The following PDE1A variants were observed in gnomAD, a reference collection of about 807,000 sequenced individuals.
PDE1A encodes the protein phosphodiesterase 1A, also known as dual specificity calcium/calmodulin-dependent 3',5'-cyclic nucleotide phosphodiesterase 1A.
A neutral mutation model predicts 61.7 loss-of-function variants in PDE1A; 35 were observed. That is an observed-to-expected ratio of 0.57 (90% CI 0.43 to 0.75). The LOEUF is 0.75. Among genes scored for constraint, PDE1A ranks in the 30% least tolerant of loss-of-function variants. The pLI, the probability that PDE1A is intolerant of heterozygous loss-of-function variation, is 0.00. For missense variants in PDE1A, 597 were observed against 630.6 expected (o/e 0.95, Z 0.57); for synonymous variants, 232 against 213.2 (o/e 1.09, Z -0.77).
chr2:182,649,754 C>T, the PDE1A span, among the ~76,000 whole-genome samples: 23,511 of 151,798 alleles, frequency 0.15, 2,401 homozygotes, highest in African/African-American at 0.29. Flanking sequence ...GGATTACAGG[C>T]GCCTGCCACC....
chr2:182,624,609 C>A, the PDE1A span, among the ~76,000 whole-genome samples: 1 of 152,138 alleles, frequency 6.6e-6, no homozygotes, highest in Admixed American at 6.5e-5. Context: ...CAACCATGAG[C>A]AATATAATTT....
At chr2:182,490,236 T>G (rs1402749563) in intron 2 of PDE1A, among the ~76,000 whole-genome samples, 5 of 152,168 alleles carry the variant, frequency 3.3e-5, no homozygotes, top group African/African-American at 1.2e-4. Flanking sequence ...AAAAAATTAT[T>G]AGAGTGGATT....
the PDE1A span, among the ~76,000 whole-genome samples, chr2:182,692,510 G>C: frequency 6.6e-6 from 1 of 151,704 alleles, no homozygotes; most frequent in Non-Finnish European, 1.5e-5. Flanking sequence ...CACACACTGG[G>C]GCCTGTTGTG....
intron 13 of PDE1A, among the ~76,000 whole-genome samples, chr2:182,161,280 C>CTGA (rs1202548870): frequency 1.3e-5 from 2 of 152,048 alleles, no homozygotes; most frequent in East Asian, 3.9e-4. Context: ...CATCCATCGG[C>CTGA]TGAGTTACAA....
intron 2 of PDE1A, among the ~76,000 whole-genome samples, chr2:182,458,065 T>C (rs888152752): frequency 1.3e-5 from 2 of 152,006 alleles, no homozygotes; most frequent in African/African-American, 4.8e-5. Context: ...ATACATGATA[T>C]TGAGATACAT....
At chr2:182,566,276 A>C in the PDE1A span, among the ~76,000 whole-genome samples, 1 of 152,054 alleles carries the variant, frequency 6.6e-6, no homozygotes, top group Admixed American at 6.6e-5. Context: ...TTCATTTCCC[A>C]TATCTATCTA....
At chr2:182,657,221 C>CA in the PDE1A span, among the ~76,000 whole-genome samples, 4 of 151,654 alleles carry the variant, frequency 2.6e-5, no homozygotes, top group South Asian at 4.2e-4. Context: ...GACTCCGTCT[C>CA]AAAAAAAACC....
chr2:182,536,011 G>A, the PDE1A span, among the ~76,000 whole-genome samples: 3 of 152,136 alleles, frequency 2.0e-5, no homozygotes, highest in Admixed American at 6.6e-5. Context: ...CCGAAATAGC[G>A]AGTAGGGTCA....
the PDE1A span, among the ~76,000 whole-genome samples, chr2:182,614,181 G>T: frequency 6.6e-6 from 1 of 152,180 alleles, no homozygotes; most frequent in Non-Finnish European, 1.5e-5. Flanking sequence ...TAAGGTTTTA[G>T]AACTAATAAC....
At chr2:182,349,907 T>C (rs2125094222) in intron 1 of PDE1A, among the ~76,000 whole-genome samples, 1 of 152,314 alleles carries the variant, frequency 6.6e-6, no homozygotes, top group East Asian at 1.9e-4. Context: ...TGTATTTTTT[T>C]TAACTTTTTA....
chr2:182,272,157 G>A (rs1693072442), intron 1 of PDE1A, among the ~76,000 whole-genome samples: 1 of 152,076 alleles, frequency 6.6e-6, no homozygotes, highest in Non-Finnish European at 1.5e-5. Flanking sequence ...CTACACATAA[G>A]GAATACAGAA....
intron 13 of PDE1A, among the ~76,000 whole-genome samples, chr2:182,179,459 A>G (rs1312486428): frequency 1.3e-5 from 2 of 152,228 alleles, no homozygotes; most frequent in Non-Finnish European, 2.9e-5. Context: ...GTTTAAAATT[A>G]TACAAAGAGG....
intron 1 of PDE1A, among the ~76,000 whole-genome samples, chr2:182,394,316 C>T (rs559813249): frequency 4.6e-5 from 7 of 152,252 alleles, no homozygotes; most frequent in East Asian, 3.9e-4. Context: ...CAACAGAGAG[C>T]ATGCAGGGGA....
chr2:182,268,901 T>C (rs959553622), intron 1 of PDE1A, among the ~76,000 whole-genome samples: 9 of 152,110 alleles, frequency 5.9e-5, no homozygotes, highest in Non-Finnish European at 1.3e-4. Context: ...TTTCAACTTT[T>C]TGATATGATA....
chr2:182,194,493 A>T (rs1685971254), intron 10 of PDE1A, among the ~76,000 whole-genome samples: 1 of 152,110 alleles, frequency 6.6e-6, no homozygotes, highest in Non-Finnish European at 1.5e-5. Flanking sequence ...AGGAGACATT[A>T]ATTGTATTAA....
rs1429087043 is a variant in PDE1A, at chr2:182,382,468, G to A, written c.53+44110C>T. On this transcript the variant is annotated intron_variant, in intron 1 of 13. Coordinates refer to ENST00000351439, the Ensembl canonical transcript of PDE1A. ...TCTGCCAAAATATATTGCACTTGGAGCCAGAGATTTTCCCAAAGCTTCCAG... is the reference window on the plus strand; with the variant it reads ...TCTGCCAAAATATATTGCACTTGGAACCAGAGATTTTCCCAAAGCTTCCAG... Among the ~76,000 whole-genome samples, 3 of 152,146 alleles carry A rather than the reference G, an allele frequency of 2.0e-5. No individual in the cohort carries two copies. In the East Asian group the frequency reaches 5.8e-4, roughly 29 times the overall value.
At chr2:182,337,919 C>T (rs1697943180) in intron 1 of PDE1A, among the ~76,000 whole-genome samples, 1 of 152,126 alleles carries the variant, frequency 6.6e-6, no homozygotes, top group Non-Finnish European at 1.5e-5. Context: ...AATTTTCATC[C>T]TCAATGACCT....
chr2:182,692,438 A>T, the PDE1A span, among the ~76,000 whole-genome samples: 10 of 151,490 alleles, frequency 6.6e-5, no homozygotes, highest in African/African-American at 2.2e-4. Context: ...CAAACACCCC[A>T]TGTTGTCACT....
intron 1 of PDE1A, among the ~76,000 whole-genome samples, chr2:182,302,215 C>G (rs903915083): frequency 6.6e-6 from 1 of 152,180 alleles, no homozygotes; most frequent in African/African-American, 2.4e-5. Flanking sequence ...CTTTATCTGA[C>G]TTTTTTCTCT....
Sources: allele counts gnomAD v4.1 joint callset (sites outside exome capture counted in the v4.1 genomes callset), GRCh38; gene constraint gnomAD v4.1.1; transcripts MANE v1.5; gene names NCBI Gene and HGNC (gene_info 2026-07-23, HGNC 2026-07-21).